Variants in MRAS observed in about 807,000 individuals in gnomAD.
MRAS encodes ras-related protein M-Ras.
Under a neutral mutation model 20.9 loss-of-function variants are expected in MRAS, and 4 were observed. The observed-to-expected ratio is 0.19, with a 90% CI of 0.09 to 0.44. The LOEUF (loss-of-function observed/expected upper bound fraction) is 0.44, where lower values mean the gene tolerates loss of function less well. Among genes scored for constraint, MRAS ranks in the 20% least tolerant of loss-of-function variants. The pLI, the probability that MRAS is intolerant of heterozygous loss-of-function variation, is 0.99. For missense variants in MRAS, 154 were observed against 277.5 expected (o/e 0.56, Z 3.16); for synonymous variants, 98 against 102.9 (o/e 0.95, Z 0.29).
rs563251473 is a variant in MRAS at position 138,394,617 on chromosome 3, A to G, written c.194-2707A>G. Among the ~76,000 whole-genome samples the G allele has an allele frequency of 8.3e-4, 127 of 152,144 alleles. 1 individual carries two copies. Among genetic ancestry groups the G allele is most frequent in the South Asian group, 7.1e-3 (34 of 4,808 alleles). ...CTCTATGTCTGACTTAAGTCCCCCA[A>G]TACCTACTGGAAGTCAAACATGGTG... On this transcript the variant is annotated intron_variant, in intron 2 of 5. Coordinates refer to ENST00000423968, the MANE Select transcript of MRAS (RefSeq NM_001085049.3).
At chr3:138,355,494 G>C (rs527382271) in intron 1 of MRAS, among the ~76,000 whole-genome samples, 3 of 151,642 alleles carry the variant, frequency 2.0e-5, no homozygotes, top group Non-Finnish European at 4.4e-5. Flanking sequence ...ATCCAGGGCA[G>C]ATTCTTGTCA....
At chr3:138,361,154 G>A (rs184664665) in intron 1 of MRAS, among the ~76,000 whole-genome samples, 1 of 152,340 alleles carries the variant, frequency 6.6e-6, no homozygotes, top group Admixed American at 6.5e-5. Flanking sequence ...ATAGAAGAGG[G>A]CCTTAGAGGA....
chr3:138,374,922 C>T (rs111712486), intron 2 of MRAS, among the ~76,000 whole-genome samples: 2,131 of 152,264 alleles, frequency 0.014, 19 homozygotes, highest in Non-Finnish European at 0.02. Context: ...TGCACTGTCA[C>T]CCAGGCTGGA....
At position 138,404,298 on chromosome 3, in the gene MRAS, TAGG is replaced by T. The variant is rs1435741383; in HGVS notation, c.*2032_*2034del. ...GCTCAGAATCAAGAGCATGGCGGAG[TAGG>T]AGAAGAAGCCCTGCACACAGGGCAG... On this transcript the variant is annotated 3_prime_UTR_variant, in exon 6 of 6. Coordinates refer to ENST00000423968, the MANE Select transcript of MRAS (RefSeq NM_001085049.3). 6.6e-6 allele frequency: 1 copy of T among 151,452 alleles called. No homozygotes were observed. The highest frequency in any genetic ancestry group is 1.5e-5 in the Non-Finnish European group (1 of 67,904). The allele number at this position is 151,452 out of a possible 1,614,324, so 9.4% of individuals were successfully genotyped here.
chr3:138,369,945 G>T (rs149533050), intron 1 of MRAS, among the ~76,000 whole-genome samples: 1 of 152,156 alleles, frequency 6.6e-6, no homozygotes, highest in African/African-American at 2.4e-5. Context: ...AAAGACAAAC[G>T]GTTTTCCTTT....
intron 2 of MRAS, among the ~76,000 whole-genome samples, chr3:138,392,481 C>G (rs2055153291): frequency 6.6e-6 from 1 of 152,176 alleles, no homozygotes; most frequent in Non-Finnish European, 1.5e-5. Context: ...TGGAATTTGT[C>G]AATTCCTGTT....
intron 1 of MRAS, among the ~76,000 whole-genome samples, chr3:138,364,638 C>A (rs913854653): frequency 2.0e-5 from 3 of 152,186 alleles, no homozygotes; most frequent in African/African-American, 2.4e-5. Flanking sequence ...GATAGGGTCC[C>A]AAACAGAGGT....
intron 2 of MRAS, among the ~76,000 whole-genome samples, chr3:138,376,660 A>G (rs2054788977): frequency 6.6e-6 from 1 of 152,258 alleles, no homozygotes; most frequent in Non-Finnish European, 1.5e-5. Flanking sequence ...TGCACTTTCT[A>G]AAATCATTTC....
intron 2 of MRAS, among the ~76,000 whole-genome samples, chr3:138,389,041 C>A (rs543203245): frequency 6.6e-6 from 1 of 151,922 alleles, no homozygotes; most frequent in African/African-American, 2.4e-5. Context: ...TGGGTTTTAC[C>A]GTGTTGTCTA....
At chr3:138,360,839 C>T (rs925133816) in intron 1 of MRAS, among the ~76,000 whole-genome samples, 13 of 152,180 alleles carry the variant, frequency 8.5e-5, no homozygotes, top group African/African-American at 3.1e-4. Context: ...GAAGACAAGG[C>T]CTGGCCCTTT....
At chr3:138,351,147 A>G (rs1274609315) in intron 1 of MRAS, among the ~76,000 whole-genome samples, 1 of 152,126 alleles carries the variant, frequency 6.6e-6, no homozygotes, top group Non-Finnish European at 1.5e-5. Context: ...TGTGGCTTCC[A>G]TAATATATTT....
intron 2 of MRAS, among the ~76,000 whole-genome samples, chr3:138,393,101 T>C (rs1385816006): frequency 6.6e-6 from 1 of 152,222 alleles, no homozygotes; most frequent in Non-Finnish European, 1.5e-5. Flanking sequence ...TCTTGACAAA[T>C]GAGGCGAGAA....
intron 1 of MRAS, among the ~76,000 whole-genome samples, chr3:138,357,383 C>G (rs2054357499): frequency 6.6e-6 from 1 of 152,238 alleles, no homozygotes; most frequent in East Asian, 1.9e-4. Context: ...CACTACTTGT[C>G]TGTGTGAATC....
At chr3:138,386,797 G>A (rs919475801) in intron 2 of MRAS, among the ~76,000 whole-genome samples, 1 of 152,162 alleles carries the variant, frequency 6.6e-6, no homozygotes, top group Non-Finnish European at 1.5e-5. Context: ...ACTACATTTT[G>A]TTTATTCTTT....
At chr3:138,394,376 G>T (rs757437436) in intron 2 of MRAS, among the ~76,000 whole-genome samples, 25 of 152,162 alleles carry the variant, frequency 1.6e-4, no homozygotes, top group African/African-American at 5.1e-4. Flanking sequence ...GGGTCCTCTT[G>T]TCCATCACTG....
At chr3:138,401,986 G>T (rs1344652769) in intron 5 of MRAS, among the ~76,000 whole-genome samples, 184 bp from the exon 6 acceptor site, 6 of 152,068 alleles carry the variant, frequency 3.9e-5, no homozygotes, top group African/African-American at 9.7e-5. Context: ...AAGCTATCCT[G>T]CCAGGCCCTC....
intron 4 of MRAS, among the ~76,000 whole-genome samples, chr3:138,399,743 G>A (rs775518446): frequency 6.6e-6 from 1 of 152,252 alleles, no homozygotes; most frequent in Non-Finnish European, 1.5e-5. Context: ...CCTGCTCCCC[G>A]CCTTTGGGGA....
chr3:138,387,162 G>A (rs184865871), intron 2 of MRAS, among the ~76,000 whole-genome samples: 48 of 152,324 alleles, frequency 3.2e-4, no homozygotes, highest in Middle Eastern at 6.8e-3. Flanking sequence ...GAGAATGATG[G>A]AGAAGGATGG....
At chr3:138,388,404 AT>A (rs2055061243) in intron 2 of MRAS, among the ~76,000 whole-genome samples, 1 of 152,236 alleles carries the variant, frequency 6.6e-6, no homozygotes, top group Non-Finnish European at 1.5e-5. Flanking sequence ...TACATAAAAC[AT>A]TCTAGGCATG....
Sources: allele counts gnomAD v4.1 joint callset (sites outside exome capture counted in the v4.1 genomes callset), GRCh38; gene constraint gnomAD v4.1.1; transcripts MANE v1.5; gene names NCBI Gene and HGNC (gene_info 2026-07-23, HGNC 2026-07-21).